Variants in CA10 observed in about 807,000 individuals in gnomAD.
CA10 encodes the protein carbonic anhydrase-related protein 10.
Under a neutral mutation model 44.2 loss-of-function variants are expected in CA10, and 14 were observed. That is an observed-to-expected ratio of 0.32 (90% CI 0.21 to 0.50). The LOEUF is 0.50. CA10 is among the 20% of genes least tolerant of loss of function. CA10 has a pLI of 0.99. For synonymous variants in CA10, 159 were observed against 141.6 expected (o/e 1.12, Z -0.87); for missense variants, 350 against 409.7 (o/e 0.85, Z 1.26).
intron 4 of CA10, among the ~76,000 whole-genome samples, chr17:51,697,911 C>T (rs1190535975): frequency 1.3e-5 from 2 of 152,206 alleles, no homozygotes; most frequent in Non-Finnish European, 2.9e-5. Flanking sequence ...GCCAAACCTG[C>T]ACATCTGCAG....
intron 3 of CA10, among the ~76,000 whole-genome samples, chr17:51,835,969 A>G (rs1908461971): frequency 6.6e-6 from 1 of 152,176 alleles, no homozygotes; most frequent in South Asian, 2.1e-4. Flanking sequence ...AAGGCATGAG[A>G]TGGAATAAAG....
chr17:52,133,118 T>C (rs548685389), intron 1 of CA10, among the ~76,000 whole-genome samples: 6 of 152,310 alleles, frequency 3.9e-5, no homozygotes, highest in East Asian at 1.9e-4. Flanking sequence ...CCTCACCTTC[T>C]TGGTGAGCAA....
intron 3 of CA10, among the ~76,000 whole-genome samples, chr17:51,754,963 TATTA>T (rs1304731661): frequency 6.6e-6 from 1 of 151,914 alleles, no homozygotes; most frequent in Non-Finnish European, 1.5e-5. Flanking sequence ...TATCTGTATA[TATTA>T]TATATACACA....
chr17:51,865,993 G>A (rs548427167), intron 3 of CA10, among the ~76,000 whole-genome samples: 2 of 152,216 alleles, frequency 1.3e-5, no homozygotes, highest in Non-Finnish European at 2.9e-5. Flanking sequence ...TGAATGAGCT[G>A]TTGGCTTCCC....
intron 2 of CA10, among the ~76,000 whole-genome samples, chr17:52,037,337 G>A (rs1221844557): frequency 3.3e-5 from 5 of 152,048 alleles, no homozygotes; most frequent in Non-Finnish European, 5.9e-5. Context: ...CATCCAAGTA[G>A]CTAAGAGAGA....
chr17:51,766,308 C>A (rs144211562), intron 3 of CA10, among the ~76,000 whole-genome samples: 1 of 152,188 alleles, frequency 6.6e-6, no homozygotes, highest in African/African-American at 2.4e-5. Context: ...ATGAATTCCA[C>A]AAGTCTCCAT....
At position 51,967,648 on chromosome 17, in the gene CA10, T is replaced by C. The variant is rs1984131010; in HGVS notation, c.137-36516A>G. On this transcript the variant is annotated intron_variant, in intron 2 of 8. Coordinates refer to ENST00000451037, the MANE Select transcript of CA10 (RefSeq NM_020178.5). ...GTGGGGCCTAAACATTGGGTATTTATTGACATAAAGATGGGAACAATAGAA... is the reference window on the plus strand; with the variant it reads ...GTGGGGCCTAAACATTGGGTATTTACTGACATAAAGATGGGAACAATAGAA... Among the ~76,000 whole-genome samples the C allele has an allele frequency of 7.3e-5, 11 of 151,680 alleles. No homozygotes were observed. In the South Asian group the frequency reaches 2.3e-3, roughly 32 times the overall value.
At chr17:51,904,358 A>G (rs922698987) in intron 3 of CA10, among the ~76,000 whole-genome samples, 3 of 151,706 alleles carry the variant, frequency 2.0e-5, no homozygotes, top group African/African-American at 7.3e-5. Flanking sequence ...ATCTATCCAA[A>G]CCCCTCACCC....
At chr17:51,773,447 C>T (rs1598038143) in intron 3 of CA10, among the ~76,000 whole-genome samples, 2 of 152,300 alleles carry the variant, frequency 1.3e-5, no homozygotes, top group East Asian at 1.9e-4. Context: ...ATGAAGTAGA[C>T]ATTCAGTAGG....
chr17:52,090,563 A>G (rs1046824557), intron 1 of CA10, among the ~76,000 whole-genome samples: 4 of 152,184 alleles, frequency 2.6e-5, no homozygotes, highest in African/African-American at 9.6e-5. Flanking sequence ...AAAAATTATT[A>G]TATTTGTCAT....
intron 3 of CA10, among the ~76,000 whole-genome samples, chr17:51,912,875 T>G (rs1348226097): frequency 6.6e-6 from 1 of 152,122 alleles, no homozygotes; most frequent in African/African-American, 2.4e-5. Flanking sequence ...CATCTAAAAC[T>G]CAAAGTACAT....
At chr17:51,784,413 C>T (rs1269483712) in intron 3 of CA10, among the ~76,000 whole-genome samples, 1 of 152,196 alleles carries the variant, frequency 6.6e-6, no homozygotes, top group Non-Finnish European at 1.5e-5. Flanking sequence ...TAAAATATGT[C>T]AGTTTAAAAC....
intron 1 of CA10, among the ~76,000 whole-genome samples, chr17:52,143,670 G>A (rs1208749680): frequency 1.3e-5 from 2 of 152,108 alleles, no homozygotes; most frequent in African/African-American, 4.8e-5. Context: ...CAGGCTGGCT[G>A]GGGTGGGTCT....
At chr17:51,758,591 G>A (rs1905136514) in intron 3 of CA10, among the ~76,000 whole-genome samples, 1 of 152,204 alleles carries the variant, frequency 6.6e-6, no homozygotes, top group African/African-American at 2.4e-5. Context: ...TGACCAGGAA[G>A]GCACACTTCA....
At chr17:51,888,698 T>G (rs532494710) in intron 3 of CA10, among the ~76,000 whole-genome samples, 13 of 152,284 alleles carry the variant, frequency 8.5e-5, no homozygotes, top group Admixed American at 8.5e-4. Context: ...GTCTTCTAGA[T>G]CTTGGTAGAT....
intron 2 of CA10, among the ~76,000 whole-genome samples, chr17:52,027,770 T>C (rs1395377052): frequency 2.0e-5 from 3 of 152,146 alleles, no homozygotes; most frequent in African/African-American, 7.2e-5. Context: ...GTGAGGCAGA[T>C]ACAATGCTTT....
chr17:51,882,182 T>TACAG (rs1373428987), intron 3 of CA10, among the ~76,000 whole-genome samples: 2 of 152,154 alleles, frequency 1.3e-5, no homozygotes, highest in Non-Finnish European at 2.9e-5. Flanking sequence ...ATATAACATG[T>TACAG]ACAGTATTCG....
At chr17:51,731,013 G>A (rs1916694487) in intron 4 of CA10, among the ~76,000 whole-genome samples, 1 of 152,192 alleles carries the variant, frequency 6.6e-6, no homozygotes, top group Non-Finnish European at 1.5e-5. Flanking sequence ...GTCCCTGACT[G>A]GGTGTGGATG....
chr17:51,708,981 G>T (rs1364149294), intron 4 of CA10, among the ~76,000 whole-genome samples: 1 of 152,186 alleles, frequency 6.6e-6, no homozygotes, highest in Non-Finnish European at 1.5e-5. Flanking sequence ...GTTGCAGACG[G>T]TCTATTGTGG....
Sources: gnomAD v4.1 joint callset for allele counts (sites outside exome capture counted in the v4.1 genomes callset) on GRCh38, gnomAD v4.1.1 for gene constraint, MANE v1.5 for transcripts, NCBI Gene and HGNC (gene_info 2026-07-23, HGNC 2026-07-21) for gene names.